The following LRCH1 variants were observed in gnomAD, a reference collection of about 807,000 sequenced individuals.
The protein encoded by LRCH1 is leucine-rich repeat and calponin homology domain-containing protein 1.
Under a neutral mutation model 94.9 loss-of-function variants are expected in LRCH1, and 23 were observed. That is an observed-to-expected ratio of 0.24 (90% CI 0.17 to 0.34). The LOEUF (loss-of-function observed/expected upper bound fraction) is 0.34. LRCH1 is among the 10% of genes least tolerant of loss of function. The probability of loss-of-function intolerance (pLI) is 1.00; values close to 1 mark genes in which losing one functional copy is unlikely to be tolerated. For missense variants in LRCH1, 790 were observed against 945.9 expected (o/e 0.84, Z 2.16); for synonymous variants, 364 against 354.9 (o/e 1.03, Z -0.29).
At chr13:46,661,888 T>C (rs2138102608) in intron 2 of LRCH1, among the ~76,000 whole-genome samples, 1 of 152,298 alleles carries the variant, frequency 6.6e-6, no homozygotes, top group African/African-American at 2.4e-5. Flanking sequence ...ATCCCTTTCC[T>C]TTTTTAAGGG....
chr13:46,600,642 C>CAG (rs1263583732), intron 1 of LRCH1, among the ~76,000 whole-genome samples: 6 of 146,550 alleles, frequency 4.1e-5, no homozygotes, highest in African/African-American at 1.5e-4. Flanking sequence ...CACACACACA[C>CAG]ACACACACAC....
chr13:46,666,216 T>A (rs1019270657), intron 2 of LRCH1, among the ~76,000 whole-genome samples: 1 of 152,186 alleles, frequency 6.6e-6, no homozygotes. Context: ...GGCCATTCCA[T>A]CAGCAGCTTT....
chr13:46,657,654 T>C (rs1157893807), intron 2 of LRCH1, among the ~76,000 whole-genome samples: 2 of 141,456 alleles, frequency 1.4e-5, no homozygotes, highest in African/African-American at 2.6e-5. Context: ...GCCTCACTAG[T>C]AGCTGGGACT....
chr13:46,584,676 T>C (rs1048396209), intron 1 of LRCH1, among the ~76,000 whole-genome samples: 2 of 152,248 alleles, frequency 1.3e-5, no homozygotes, highest in African/African-American at 4.8e-5. Context: ...GTACCTGCGT[T>C]GCTTTTGTCC....
At chr13:46,719,125 T>G (rs1037688529) in intron 16 of LRCH1, among the ~76,000 whole-genome samples, 1 of 43,596 alleles carries the variant, frequency 2.3e-5, no homozygotes, top group Admixed American at 2.9e-4. Flanking sequence ...CCAAAATCTC[T>G]TTGCTTTCAT....
chr13:46,582,785 G>A (rs1404719888), intron 1 of LRCH1, among the ~76,000 whole-genome samples: 1 of 150,314 alleles, frequency 6.7e-6, no homozygotes, highest in African/African-American at 2.5e-5. Context: ...ATAGGTATTC[G>A]CCGCTGTGCC....
At chr13:46,716,996 A>G (rs960400514) in intron 16 of LRCH1, among the ~76,000 whole-genome samples, 2 of 152,156 alleles carry the variant, frequency 1.3e-5, no homozygotes, top group Non-Finnish European at 2.9e-5. Flanking sequence ...TAAAGCCTAG[A>G]ATGAAAGATT....
At chr13:46,666,585 A>G (rs2051519262) in intron 2 of LRCH1, among the ~76,000 whole-genome samples, 3 of 152,220 alleles carry the variant, frequency 2.0e-5, no homozygotes, top group African/African-American at 7.2e-5. Flanking sequence ...TGAAAATACT[A>G]ATCTTTGTTC....
chr13:46,604,346 A>G (rs1172481453), intron 1 of LRCH1, among the ~76,000 whole-genome samples: 1 of 152,078 alleles, frequency 6.6e-6, no homozygotes, highest in Non-Finnish European at 1.5e-5. Flanking sequence ...CTTGTGGGTG[A>G]CCGAGGTGGC....
In LRCH1 at chr13:46,715,587, C is replaced by A. The variant is rs374267746; in HGVS notation, c.1682C>A (p.Ser561Tyr). The A allele has an allele frequency of 3.5e-5, 54 of 1,537,126 alleles. No homozygotes were observed. The highest frequency in any genetic ancestry group is 4.5e-5 in the Non-Finnish European group (52 of 1,146,822). ...CCAGCCCTCATTCTTCCTCCTATCT[C>A]CTTCAACACACTTACACAGGCACAG... ...SDPALILPPISFNTLTQAQTW... is the reference protein window; with the variant it reads ...SDPALILPPIYFNTLTQAQTW... Residue 561 changes from serine (S) to tyrosine (Y), a missense_variant, in exon 16 of 20, where the codon TCC (serine) becomes TAC (tyrosine). This residue lies in a region of LRCH1 where 460 missense variants were observed against 508.9 expected (regional missense o/e 0.90). Transcript: ENST00000389797.
chr13:46,693,697 A>G (rs1409152567), intron 8 of LRCH1, among the ~76,000 whole-genome samples: 1 of 152,236 alleles, frequency 6.6e-6, no homozygotes, highest in Non-Finnish European at 1.5e-5. Context: ...TGTGCCTTCA[A>G]GATCCTTGTA....
At chr13:46,741,372 T>C (rs1409267970) in intron 19 of LRCH1, among the ~76,000 whole-genome samples, 2 of 152,202 alleles carry the variant, frequency 1.3e-5, no homozygotes, top group East Asian at 1.9e-4. Flanking sequence ...GGCAGAATGA[T>C]GTGTAAATTG....
intron 13 of LRCH1, among the ~76,000 whole-genome samples, chr13:46,709,793 G>A (rs1490077779): frequency 6.6e-6 from 1 of 151,886 alleles, no homozygotes; most frequent in Non-Finnish European, 1.5e-5. Flanking sequence ...TCCTTCTGTA[G>A]GGCAATTATC....
chr13:46,657,775 C>T (rs562905011), intron 2 of LRCH1, among the ~76,000 whole-genome samples: 19 of 142,362 alleles, frequency 1.3e-4, no homozygotes, highest in African/African-American at 4.7e-4. Context: ...GTGATCTGCC[C>T]GCCTTGGCCT....
At chr13:46,615,953 A>G (rs1189851881) in intron 1 of LRCH1, among the ~76,000 whole-genome samples, 1 of 151,004 alleles carries the variant, frequency 6.6e-6, no homozygotes, top group Non-Finnish European at 1.5e-5. Context: ...GTACCCCTGT[A>G]CAAGGCAGCT....
At chr13:46,711,444 C>G (rs972476490) in intron 13 of LRCH1, among the ~76,000 whole-genome samples, 2 of 152,162 alleles carry the variant, frequency 1.3e-5, no homozygotes, top group Admixed American at 6.5e-5. Context: ...TGAACCATTT[C>G]TAAAAATCAT....
At chr13:46,681,173 C>T (rs1198941421) in intron 3 of LRCH1, among the ~76,000 whole-genome samples, 1 of 152,192 alleles carries the variant, frequency 6.6e-6, no homozygotes, top group East Asian at 1.9e-4. Flanking sequence ...GATTTCTAGC[C>T]TGTGGTGAAG....
At chr13:46,613,786 C>T (rs937062828) in intron 1 of LRCH1, among the ~76,000 whole-genome samples, 10 of 152,082 alleles carry the variant, frequency 6.6e-5, no homozygotes, top group Admixed American at 6.5e-4. Flanking sequence ...AAGTTATTCT[C>T]TAAGTCTGGT....
intron 2 of LRCH1, among the ~76,000 whole-genome samples, chr13:46,653,291 C>G (rs1399977991): frequency 6.6e-6 from 1 of 152,096 alleles, no homozygotes; most frequent in East Asian, 1.9e-4. Flanking sequence ...GCCCACTTCT[C>G]CTACTTTTAA....
Sources: allele counts gnomAD v4.1 joint callset (sites outside exome capture counted in the v4.1 genomes callset), GRCh38; gene constraint gnomAD v4.1.1; regional missense constraint gnomAD v4.1.1; transcripts MANE v1.5; gene names NCBI Gene and HGNC (gene_info 2026-07-23, HGNC 2026-07-21).